Variants in HDAC9 observed in about 807,000 individuals in gnomAD.
The protein encoded by HDAC9 is histone deacetylase 9, also known as MEF-2 interacting transcription repressor (MITR) protein.
A neutral mutation model predicts 139.4 loss-of-function variants in HDAC9; 41 were observed. The ratio of observed to expected loss-of-function variants is 0.29; its 90% CI spans 0.23 to 0.38. HDAC9 has a LOEUF of 0.38. HDAC9 is among the 10% of genes least tolerant of loss of function. The pLI is 1.00. For missense variants in HDAC9, 1,147 were observed against 1,297.0 expected (o/e 0.88, Z 1.78); for synonymous variants, 517 against 476.2 (o/e 1.09, Z -1.12).
rs550938107 is a variant in HDAC9, at chr7:18,838,691, A to C, written c.2684+2694A>C. ...TACACTTCTTGTTTCCTAGTATTGA[A>C]CCAGAAGATCTTTCTGGCATCTGTG... On this transcript the variant is annotated intron_variant, in intron 21 of 25. Transcript: ENST00000686413. 1.4e-4 allele frequency among the ~76,000 whole-genome samples: 21 copies of C among 152,052 alleles called. 1 individual carries two copies. The highest frequency in any genetic ancestry group is 5.1e-4 in the African/African-American group (21 of 41,510).
intron 23 of HDAC9, among the ~76,000 whole-genome samples, chr7:18,938,873 C>T (rs1299606630): frequency 2.0e-5 from 3 of 152,130 alleles, no homozygotes; most frequent in Non-Finnish European, 4.4e-5. Flanking sequence ...AATGATGTCA[C>T]CTGATTTAAA....
chr7:18,427,274 T>G (rs1385359221), intron 1 of HDAC9, among the ~76,000 whole-genome samples: 1 of 152,176 alleles, frequency 6.6e-6, no homozygotes, highest in Non-Finnish European at 1.5e-5. Flanking sequence ...ACCTACAGCC[T>G]TATCTTTTTT....
chr7:18,343,234 C>G (rs1383414755), intron 1 of HDAC9, among the ~76,000 whole-genome samples: 1 of 151,638 alleles, frequency 6.6e-6, no homozygotes, highest in African/African-American at 2.4e-5. Flanking sequence ...GCATGTGTCA[C>G]TAAAACTACC....
At chr7:18,206,947 G>A (rs971661726) in intron 2 of HDAC9, among the ~76,000 whole-genome samples, 1 of 55,166 alleles carries the variant, frequency 1.8e-5, no homozygotes, top group Non-Finnish European at 4.1e-5. Flanking sequence ...TTTTTTTTTT[G>A]TCTTTTGAGG....
At chr7:18,484,145 C>G (rs1405316053) in intron 1 of HDAC9, among the ~76,000 whole-genome samples, 2 of 143,206 alleles carry the variant, frequency 1.4e-5, no homozygotes, top group Non-Finnish European at 3.0e-5. Flanking sequence ...GAGTTCAAGC[C>G]TAGGCAACAA....
At chr7:18,657,707 A>G (rs1216614990) in intron 11 of HDAC9, among the ~76,000 whole-genome samples, 1 of 152,162 alleles carries the variant, frequency 6.6e-6, no homozygotes, top group African/African-American at 2.4e-5. Context: ...TTGAAAATTC[A>G]GTCTTCCTCT....
rs568449917 is a variant in HDAC9 at position 18,989,360 on chromosome 7, A to C, written c.3171-6663A>C. 1.5e-3 allele frequency among the ~76,000 whole-genome samples: 226 copies of C among 151,572 alleles called. 4 individuals are homozygous for C. The East Asian group carries it at 0.042, about 28-fold the overall frequency. On this transcript the variant is annotated intron_variant, in intron 25 of 25. Coordinates refer to ENST00000686413, the MANE Select transcript of HDAC9 (RefSeq NM_178425.4). ...CTGGATATGAAATTCTGGGTTGAAA[A>C]TTCTTTTCTTTAATATTGACCCCCA... is the stretch of plus-strand genomic sequence containing the variant.
rs146706850 is a variant in HDAC9, at chr7:18,792,628, C to T, written c.2215-717C>T. Among the ~76,000 whole-genome samples the T allele has an allele frequency of 2.0e-3, 309 of 152,212 alleles. 1 individual carries two copies. The highest frequency in any genetic ancestry group is 7.1e-3 in the African/African-American group (295 of 41,536). ...ATAATGTTCTCTAGTAGATAAGCAACCATCTATTTTACTGGCTTATCCAAT... is the reference window on the plus strand; with the variant it reads ...ATAATGTTCTCTAGTAGATAAGCAATCATCTATTTTACTGGCTTATCCAAT... On this transcript the variant is annotated intron_variant, in intron 16 of 25. Transcript: ENST00000686413.
At position 18,648,831 on chromosome 7, in the gene HDAC9, A is replaced by G. The variant is rs1371051191; in HGVS notation, c.1467+148A>G. ...CTAAGCCTGCTTTCTTGGCTCAAGG[A>G]CACCATCACAATATCAGTGTTTTAA... On this transcript the variant is annotated intron_variant, in intron 11 of 25. Transcript: ENST00000686413. 14 of 676,246 alleles carry G rather than the reference A, an allele frequency of 2.1e-5. No homozygotes were observed. The East Asian group carries it at 3.6e-4, about 17-fold the overall frequency. The allele number at this position is 676,246 out of a possible 1,614,324, so 41.9% of individuals were successfully genotyped here.
exon 2 of HDAC9, chr7:18,162,299 T>C: frequency 6.5e-7 from 1 of 1,534,672 alleles, no homozygotes; most frequent in Non-Finnish European, 8.7e-7. Flanking sequence ...ATCTGCATCC[T>C]AGTCTTAGCA....
In HDAC9 at chr7:18,793,525, T is replaced by C. The variant is rs1164443365; in HGVS notation, c.2322+73T>C. 3.1e-6 allele frequency: 3 copies of C among 972,588 alleles called. No individual in the cohort carries two copies. The East Asian group carries it at 7.8e-5, about 25-fold the overall frequency. 60.2% of individuals were successfully genotyped at this position (972,588 alleles called of 1,614,324 possible). A position where few individuals can be genotyped will look rare whatever the true frequency, so the allele number is the denominator to read the frequency against. ...AAACAGAGATGTTGTTATGTGGGAA[T>C]TGCGGGGAGTGTGGCGTGGTAATAA... is the stretch of plus-strand genomic sequence containing the variant. On this transcript the variant is annotated intron_variant, in intron 17 of 25. Coordinates refer to ENST00000686413, the MANE Select transcript of HDAC9 (RefSeq NM_178425.4).
chr7:18,231,280 C>A (rs140889645), intron 2 of HDAC9, among the ~76,000 whole-genome samples: 9 of 152,310 alleles, frequency 5.9e-5, no homozygotes, highest in Admixed American at 1.3e-4. Flanking sequence ...AGCAGGGCTG[C>A]CATGTTCAGT....
In HDAC9 at chr7:18,732,750, T is replaced by TACAC. The variant is rs201142177; in HGVS notation, c.1909+4998_1909+5001dup. 5.8e-3 allele frequency among the ~76,000 whole-genome samples: 364 copies of TACAC among 62,446 alleles called. 10 individuals carry two copies. The highest frequency in any genetic ancestry group is 8.7e-3 in the Admixed American group (58 of 6,690). 41.0% of individuals were successfully genotyped at this position (62,446 alleles called of 152,430 possible). A position where few individuals can be genotyped will look rare whatever the true frequency, so the allele number is the denominator to read the frequency against. On this transcript the variant is annotated intron_variant, in intron 13 of 25. Coordinates refer to ENST00000686413, the MANE Select transcript of HDAC9 (RefSeq NM_178425.4). ...ACACACGTGTATGTGTGCGTATGTG[T>TACAC]ACACACACGTGTATGTGTGCGTATG...
At chr7:18,087,774 A>G (rs1393249366) in intron 1 of HDAC9, 2 of 152,272 alleles carry the variant, frequency 1.3e-5, no homozygotes, top group Admixed American at 1.3e-4. Context: ...ATTAGATGCC[A>G]TACGAGGGTG....
At chr7:18,397,299 C>CT (rs1211825475) in intron 1 of HDAC9, among the ~76,000 whole-genome samples, 1 of 152,092 alleles carries the variant, frequency 6.6e-6, no homozygotes, top group Admixed American at 6.6e-5. Context: ...TACCTAAGAA[C>CT]TTTGTTGGTA....
At chr7:18,643,452 A>T (rs370501201) in intron 8 of HDAC9, among the ~76,000 whole-genome samples, 5 of 152,248 alleles carry the variant, frequency 3.3e-5, no homozygotes, top group African/African-American at 1.2e-4. Context: ...TTGCAATGAG[A>T]AAACTCCACA....
intron 16 of HDAC9, among the ~76,000 whole-genome samples, chr7:18,768,280 T>G (rs1789996913): frequency 6.6e-6 from 1 of 152,194 alleles, no homozygotes; most frequent in African/African-American, 2.4e-5. Flanking sequence ...ATGGGGGTGA[T>G]GTACACATCC....
intron 1 of HDAC9, among the ~76,000 whole-genome samples, chr7:18,359,432 T>C (rs1783597718): frequency 6.6e-6 from 1 of 152,214 alleles, no homozygotes; most frequent in East Asian, 1.9e-4. Context: ...CCAAACTATC[T>C]TCTTACTTCT....
intron 1 of HDAC9, among the ~76,000 whole-genome samples, chr7:18,350,676 G>A (rs1228230292): frequency 1.3e-5 from 2 of 152,136 alleles, no homozygotes; most frequent in African/African-American, 2.4e-5. Flanking sequence ...ATAGCTGTAA[G>A]GGAAAAATCC....
Sources: allele counts gnomAD v4.1 joint callset (sites outside exome capture counted in the v4.1 genomes callset), GRCh38; gene constraint gnomAD v4.1.1; transcripts MANE v1.5; gene names NCBI Gene and HGNC (gene_info 2026-07-23, HGNC 2026-07-21).